FGF13: variants seen among roughly 807,000 people sequenced by gnomAD.
The protein encoded by FGF13 is fibroblast growth factor homologous factor 2.
FGF13 carries 2 observed loss-of-function variants against 19.5 expected under a neutral mutation model. The observed-to-expected ratio is 0.10, with a 90% CI of 0.04 to 0.32. The LOEUF (loss-of-function observed/expected upper bound fraction) is 0.32, where lower values mean the gene tolerates loss of function less well. Among genes scored for constraint, FGF13 ranks in the 10% least tolerant of loss-of-function variants. The pLI is 1.00. For synonymous variants in FGF13, 72 were observed against 76.9 expected (o/e 0.94, Z 0.33); for missense variants, 113 against 192.7 (o/e 0.59, Z 2.45).
At chrX:138,921,980 A>AAAC (rs2124244220) in intron 1 of FGF13, among the ~76,000 whole-genome samples, 1 of 107,776 alleles carries the variant, frequency 9.3e-6, no homozygotes, top group Non-Finnish European at 1.9e-5. Flanking sequence ...TCAAAAAAAA[A>AAAC]AAAAAAAACA....
At chrX:138,755,682 G>T (rs1338340523) in intron 3 of FGF13, among the ~76,000 whole-genome samples, 1 of 112,338 alleles carries the variant, frequency 8.9e-6, no homozygotes, top group Non-Finnish European at 1.9e-5. Context: ...TCACAAACTT[G>T]CATTTCTTTT....
At chrX:139,088,028 T>C (rs1647011550) in intron 1 of FGF13, among the ~76,000 whole-genome samples, 1 of 111,750 alleles carries the variant, frequency 8.9e-6, no homozygotes, top group South Asian at 3.8e-4. Context: ...TGGAACACCT[T>C]GTTAAGTTTC....
intron 1 of FGF13, among the ~76,000 whole-genome samples, chrX:138,916,316 T>C (rs1160927846): frequency 9.0e-6 from 1 of 111,626 alleles, no homozygotes; most frequent in Admixed American, 9.6e-5. Context: ...ATTTCCACAA[T>C]TGATTGGAGT....
At chrX:138,710,060 CT>C (rs1487548719) in intron 1 of FGF13, among the ~76,000 whole-genome samples, 1 of 111,224 alleles carries the variant, frequency 9.0e-6, no homozygotes, top group Non-Finnish European at 1.9e-5. Context: ...TTGACGCAAC[CT>C]GACACCTAGA....
intron 1 of FGF13, among the ~76,000 whole-genome samples, chrX:138,884,699 CT>C (rs1336244341): frequency 1.8e-5 from 2 of 111,879 alleles, no homozygotes; most frequent in Admixed American, 9.5e-5. Context: ...ACTAGGGTAT[CT>C]CAGAAAAGGA....
intron 3 of FGF13, among the ~76,000 whole-genome samples, chrX:138,672,892 T>C (rs2124174418): frequency 9.0e-6 from 1 of 111,370 alleles, no homozygotes. Flanking sequence ...GCTAAGCGAG[T>C]GTGGTGTCCT....
chrX:138,856,264 T>C (rs2091257372), downstream of FGF13, among the ~76,000 whole-genome samples: 1 of 111,339 alleles, frequency 9.0e-6, no homozygotes, highest in Non-Finnish European at 1.9e-5. Context: ...GAGTGCTCTA[T>C]TCTATGGCTG....
chrX:138,935,888 T>C (rs887403811), intron 1 of FGF13, among the ~76,000 whole-genome samples: 1 of 112,509 alleles, frequency 8.9e-6, no homozygotes, highest in African/African-American at 3.2e-5. Context: ...GTGTTTTATT[T>C]TGATGTGCAT....
intron 1 of FGF13, among the ~76,000 whole-genome samples, chrX:139,164,193 G>T (rs111651316): frequency 1.5e-4 from 16 of 106,289 alleles, no homozygotes; most frequent in Non-Finnish European, 1.6e-4. Flanking sequence ...ACATGCTGGT[G>T]CGCTGCACCC....
At chrX:138,901,668 T>C (rs981829984) in intron 1 of FGF13, among the ~76,000 whole-genome samples, 1 of 111,850 alleles carries the variant, frequency 8.9e-6, no homozygotes. Context: ...AATGGAGTAG[T>C]ATTTTTAAAG....
chrX:138,990,524 G>A (rs1206580964), intron 1 of FGF13: 2 of 109,668 alleles, frequency 1.8e-5, no homozygotes, highest in Non-Finnish European at 3.8e-5. Context: ...ACGTGGCTGG[G>A]GAGGCCTCAC....
chrX:138,655,135 T>C (rs2089422632), intron 3 of FGF13, among the ~76,000 whole-genome samples: 1 of 112,022 alleles, frequency 8.9e-6, no homozygotes. Flanking sequence ...TCTTGTTGTT[T>C]TGTTAATACC....
Position 138,711,365 on chromosome X carries a change from C to A in FGF13, c.-362G>T. On this transcript the variant is annotated 5_prime_UTR_variant, in exon 1 of 5. Transcript: ENST00000315930. ...ACCGTGCATGTCCAGCTGCTCCGGT[C>A]CGAATTTCGCCGGACCCCCTCGCCC... The A allele has an allele frequency of 6.9e-6, 3 of 434,742 alleles. No homozygotes were observed. Among genetic ancestry groups the A allele is most frequent in the Non-Finnish European group, 7.7e-6 (3 of 389,133 alleles). 35.8% of individuals were successfully genotyped at this position (434,742 alleles called of 1,213,427 possible).
chrX:138,908,476 A>C (rs981489104), intron 1 of FGF13, among the ~76,000 whole-genome samples: 1 of 107,420 alleles, frequency 9.3e-6, no homozygotes, highest in Non-Finnish European at 1.9e-5. Context: ...CATTTTTGTC[A>C]TCTATTACTT....
At chrX:138,783,438 A>T (rs1473091204) in intron 3 of FGF13, among the ~76,000 whole-genome samples, 1 of 103,980 alleles carries the variant, frequency 9.6e-6, no homozygotes, top group Admixed American at 1.1e-4. Flanking sequence ...TAATATCCAG[A>T]ATCTACAATG....
chrX:139,090,941 C>CAAAAAAA (rs1181771963), intron 1 of FGF13, among the ~76,000 whole-genome samples: 15 of 32,743 alleles, frequency 4.6e-4, no homozygotes, highest in African/African-American at 1.3e-3. Flanking sequence ...GACCCTGTCT[C>CAAAAAAA]AAAAAAAAAA....
chrX:139,070,882 C>A (rs778426558), intron 1 of FGF13, among the ~76,000 whole-genome samples: 8 of 111,399 alleles, frequency 7.2e-5, no homozygotes, highest in Non-Finnish European at 1.3e-4. Flanking sequence ...CAAACTAACA[C>A]AAGAACAGAA....
chrX:139,013,509 ATATATATATATATATATATAT>A (rs2092139920), intron 1 of FGF13, among the ~76,000 whole-genome samples: 6 of 85,976 alleles, frequency 7.0e-5, no homozygotes, highest in South Asian at 6.6e-4. Flanking sequence ...ATATATATAT[ATATATATATATATATATATAT>A]AAAATGAAAT....
chrX:138,941,637 C>A (rs753793701), intron 1 of FGF13, among the ~76,000 whole-genome samples: 1 of 112,081 alleles, frequency 8.9e-6, no homozygotes, highest in Non-Finnish European at 1.9e-5. Context: ...AAGCAATTTG[C>A]AGATTCAAGG....
Sources: allele counts gnomAD v4.1 joint callset (sites outside exome capture counted in the v4.1 genomes callset), GRCh38; gene constraint gnomAD v4.1.1; transcripts MANE v1.5; gene names NCBI Gene and HGNC (gene_info 2026-07-23, HGNC 2026-07-21).